Variants in PREX1 observed in about 807,000 individuals in gnomAD.
PREX1 encodes phosphatidylinositol 3,4,5-trisphosphate-dependent Rac exchanger 1 protein.
A neutral mutation model predicts 198.3 loss-of-function variants in PREX1; 41 were observed. That is an observed-to-expected ratio of 0.21 (90% CI 0.16 to 0.27). The LOEUF is 0.27. PREX1 is among the 10% of genes least tolerant of loss of function. The probability of loss-of-function intolerance (pLI) is 1.00; values close to 1 mark genes in which losing one functional copy is unlikely to be tolerated. For synonymous variants in PREX1, 843 were observed against 887.2 expected (o/e 0.95, Z 0.89); for missense variants, 1,620 against 2,200.7 (o/e 0.74, Z 5.28).
At chr20:48,756,727 T>C (rs908041195) in intron 1 of PREX1, among the ~76,000 whole-genome samples, 11 of 152,204 alleles carry the variant, frequency 7.2e-5, no homozygotes, top group Non-Finnish European at 1.2e-4. Context: ...GAAGACTCTT[T>C]CTCCAGATAT....
At chr20:48,832,043 GT>G (rs1342236163), upstream of PREX1, among the ~76,000 whole-genome samples, 1 of 151,630 alleles carries the variant, frequency 6.6e-6, no homozygotes, top group Non-Finnish European at 1.5e-5. Context: ...TGTCTCATGT[GT>G]ATGTCAGGGC....
chr20:48,660,487 G>GA (rs55850400), intron 15 of PREX1, among the ~76,000 whole-genome samples: 2 of 151,976 alleles, frequency 1.3e-5, no homozygotes, highest in African/African-American at 2.4e-5. Context: ...GCCCAGGGGG[G>GA]AAAAAAATTG....
At chr20:48,661,960 G>A (rs2089600048) in intron 15 of PREX1, among the ~76,000 whole-genome samples, 1 of 152,212 alleles carries the variant, frequency 6.6e-6, no homozygotes, top group Admixed American at 6.5e-5. Context: ...ACGCCAGTGG[G>A]TGCCTGAAAC....
intron 1 of PREX1, among the ~76,000 whole-genome samples, chr20:48,812,816 C>T (rs1005245395): frequency 6.6e-6 from 1 of 152,176 alleles, no homozygotes; most frequent in Admixed American, 6.5e-5. Context: ...ATTACGAAGC[C>T]ATGAAAGGCT....
chr20:48,642,647 C>A, intron 27 of PREX1, 158 bp from the exon 28 acceptor site: 1 of 617,624 alleles, frequency 1.6e-6, no homozygotes, highest in South Asian at 2.2e-5. Context: ...CAGGGCAAAT[C>A]ACCTGACCTC....
At chr20:48,764,174 T>C (rs910727011) in intron 1 of PREX1, among the ~76,000 whole-genome samples, 1 of 152,120 alleles carries the variant, frequency 6.6e-6, no homozygotes, top group Admixed American at 6.5e-5. Context: ...GGGAAGAAAC[T>C]TCTGTCCCTG....
chr20:48,875,984 T>C, the PREX1 span, among the ~76,000 whole-genome samples: 1 of 152,104 alleles, frequency 6.6e-6, no homozygotes, highest in African/African-American at 2.4e-5. Flanking sequence ...ATGCAGAGCC[T>C]CCGATGCCTG....
At position 48,679,640 on chromosome 20, in the gene PREX1, A is replaced by AG; in HGVS notation, c.1539+10dup. On this transcript the variant is annotated intron_variant, in intron 12 of 39. Coordinates refer to ENST00000371941, the MANE Select transcript of PREX1 (RefSeq NM_020820.4). Reference sequence around the variant, plus strand: ...AGCTGAGTCAGAGTCACAGGGGCGGAGGGCCCCTACCTTGGACATGATGTC... The same window carrying AG: ...AGCTGAGTCAGAGTCACAGGGGCGGAGGGGCCCCTACCTTGGACATGATGTC... 3 of 1,589,456 alleles carry AG rather than the reference A, an allele frequency of 1.9e-6. No homozygotes were observed. The highest frequency in any genetic ancestry group is 2.6e-6 in the Non-Finnish European group (3 of 1,157,616).
chr20:48,720,946 C>T (rs1322216708), intron 5 of PREX1, among the ~76,000 whole-genome samples: 1 of 152,184 alleles, frequency 6.6e-6, no homozygotes, highest in Non-Finnish European at 1.5e-5. Context: ...GTACCCCAAG[C>T]AGCCACTCTG....
intron 4 of PREX1, among the ~76,000 whole-genome samples, chr20:48,727,860 G>C (rs1011116711): frequency 1.3e-5 from 2 of 152,174 alleles, no homozygotes; most frequent in Non-Finnish European, 2.9e-5. Context: ...TCACATTACA[G>C]GCACTACCCT....
chr20:48,828,086 C>G (rs1354940822), upstream of PREX1, among the ~76,000 whole-genome samples: 1 of 147,902 alleles, frequency 6.8e-6, no homozygotes, highest in Non-Finnish European at 1.5e-5. Context: ...GGCTCCCAGA[C>G]GGCTGGCCCC....
At chr20:48,839,742 C>A in the PREX1 span, among the ~76,000 whole-genome samples, 1 of 152,162 alleles carries the variant, frequency 6.6e-6, no homozygotes, top group Non-Finnish European at 1.5e-5. Context: ...GCATCATCAC[C>A]TCTAGTGCTG....
intron 7 of PREX1, among the ~76,000 whole-genome samples, chr20:48,698,742 C>T (rs1396961630): frequency 6.6e-6 from 1 of 152,186 alleles, no homozygotes; most frequent in East Asian, 1.9e-4. Flanking sequence ...TCAGAGCCTC[C>T]TGTGCACCAG....
chr20:48,770,667 T>G (rs973622224), intron 1 of PREX1, among the ~76,000 whole-genome samples: 1 of 151,688 alleles, frequency 6.6e-6, no homozygotes, highest in Admixed American at 6.6e-5. Flanking sequence ...CCAAGATTGC[T>G]CCACTGCATT....
chr20:48,658,579 A>G (rs768495725), intron 16 of PREX1, among the ~76,000 whole-genome samples: 8 of 152,242 alleles, frequency 5.3e-5, no homozygotes, highest in Non-Finnish European at 1.0e-4. Flanking sequence ...GCACTCATTC[A>G]GTCAACAGAC....
chr20:48,662,232 C>T (rs1228703288), intron 15 of PREX1, among the ~76,000 whole-genome samples: 1 of 152,152 alleles, frequency 6.6e-6, no homozygotes. Flanking sequence ...CCGCTGGCTT[C>T]GACTCCACTA....
intron 3 of PREX1, among the ~76,000 whole-genome samples, chr20:48,741,344 T>A (rs543473497): frequency 4.1e-4 from 61 of 150,194 alleles, no homozygotes; most frequent in Admixed American, 2.1e-3. Context: ...CGATTTTTTT[T>A]TTATTTTATT....
chr20:48,651,151 C>G (rs1025955550), intron 22 of PREX1, 96 bp from the exon 23 acceptor site: 7 of 1,452,492 alleles, frequency 4.8e-6, no homozygotes, highest in Non-Finnish European at 5.6e-6. Context: ...CGTAATACCC[C>G]CCGGGAAGTC....
In PREX1 at chr20:48,708,245, C is replaced by A; in HGVS notation, c.783+15G>T. ...CCCCTGCGGCCCAGGAAGCCCCCTC[C>A]TGTCCTGTACACACCTCCCAGCCTT... On this transcript the variant is annotated intron_variant, in intron 6 of 39. Coordinates refer to ENST00000371941, the MANE Select transcript of PREX1 (RefSeq NM_020820.4). The A allele has an allele frequency of 6.2e-7, 1 of 1,613,278 alleles. No individual in the cohort carries two copies.
Sources: gnomAD v4.1 joint callset for allele counts (sites outside exome capture counted in the v4.1 genomes callset) on GRCh38, gnomAD v4.1.1 for gene constraint, MANE v1.5 for transcripts, NCBI Gene and HGNC (gene_info 2026-07-23, HGNC 2026-07-21) for gene names.